The following KCNN2 variants were observed in gnomAD, a reference collection of about 807,000 sequenced individuals.
KCNN2 encodes the protein potassium calcium-activated channel subfamily N member 2.
KCNN2 carries 24 observed loss-of-function variants against 55.5 expected under a neutral mutation model. The ratio of observed to expected loss-of-function variants is 0.43; its 90% confidence interval spans 0.31 to 0.61. The LOEUF (loss-of-function observed/expected upper bound fraction) is 0.61, where lower values mean the gene tolerates loss of function less well. Ranked by LOEUF, KCNN2 falls within the 20% of genes least tolerant of loss-of-function variation. The probability of loss-of-function intolerance (pLI) is 0.08; values close to 1 mark genes in which losing one functional copy is unlikely to be tolerated. For synonymous variants in KCNN2, 431 were observed against 336.1 expected, an observed-to-expected ratio of 1.28 and a Z score of -3.09; for missense variants, 754 against 853.6, an observed-to-expected ratio of 0.88 and a Z score of 1.45.
At chr5:114,074,153 C>T (rs983895028) in intron 1 of KCNN2, among the ~76,000 whole-genome samples, 1 of 152,168 alleles carries the variant, frequency 6.6e-6, no homozygotes, top group Non-Finnish European at 1.5e-5. Flanking sequence ...ATTATTCAGA[C>T]TAGGTAAAAT....
upstream of KCNN2, among the ~76,000 whole-genome samples, chr5:114,358,322 G>A (rs1757336464): frequency 6.6e-6 from 1 of 152,044 alleles, no homozygotes; most frequent in Non-Finnish European, 1.5e-5. Context: ...TTTTTCCCAA[G>A]CTCCTGTGGT....
intron 1 of KCNN2, among the ~76,000 whole-genome samples, chr5:114,145,426 C>G (rs1752378007): frequency 6.6e-6 from 1 of 152,188 alleles, no homozygotes; most frequent in African/African-American, 2.4e-5. Flanking sequence ...TGAATATAAT[C>G]AGCGAGCAAT....
chr5:114,241,414 A>G (rs1328855283), intron 2 of KCNN2, among the ~76,000 whole-genome samples: 2 of 151,868 alleles, frequency 1.3e-5, no homozygotes, highest in Non-Finnish European at 2.9e-5. Flanking sequence ...CCAAGTTGCT[A>G]TAATCAAAAC....
chr5:114,205,199 A>G (rs569681459), intron 1 of KCNN2, among the ~76,000 whole-genome samples: 4 of 152,316 alleles, frequency 2.6e-5, no homozygotes, highest in African/African-American at 9.6e-5. Flanking sequence ...TGCTAATAGG[A>G]CATACGTTTA....
At chr5:114,065,448 A>AT (rs1204812692) in intron 1 of KCNN2, among the ~76,000 whole-genome samples, 1 of 152,140 alleles carries the variant, frequency 6.6e-6, no homozygotes, top group Non-Finnish European at 1.5e-5. Flanking sequence ...GAGGTGAATG[A>AT]TTTTTTTGTG....
intron 2 of KCNN2, among the ~76,000 whole-genome samples, chr5:114,252,113 A>G (rs1055485251): frequency 5.9e-5 from 9 of 151,952 alleles, no homozygotes; most frequent in African/African-American, 2.2e-4. Flanking sequence ...CCTGACCTCA[A>G]GTGATCCTCC....
chr5:114,202,070 G>A (rs13161120), intron 1 of KCNN2, among the ~76,000 whole-genome samples: 17,075 of 152,128 alleles, frequency 0.11, 1,155 homozygotes, highest in Middle Eastern at 0.23. Context: ...ATGTGTGGGG[G>A]CACCTGTTCT....
At chr5:114,143,338 C>G (rs1327584176) in intron 1 of KCNN2, among the ~76,000 whole-genome samples, 1 of 152,126 alleles carries the variant, frequency 6.6e-6, no homozygotes, top group Non-Finnish European at 1.5e-5. Flanking sequence ...CTTTCCATAA[C>G]CTATGATTGG....
chr5:114,066,814 C>T (rs750727077), intron 1 of KCNN2, among the ~76,000 whole-genome samples: 1 of 152,122 alleles, frequency 6.6e-6, no homozygotes, highest in Non-Finnish European at 1.5e-5. Flanking sequence ...CTCTTGACCT[C>T]GTGGTCTGCC....
At chr5:114,477,398 C>T (rs1762020002) in intron 5 of KCNN2, among the ~76,000 whole-genome samples, 1 of 152,050 alleles carries the variant, frequency 6.6e-6, no homozygotes, top group African/African-American at 2.4e-5. Context: ...ACTACATTAA[C>T]CAAGTAAAAT....
chr5:114,297,674 A>G (rs984671741), intron 2 of KCNN2, among the ~76,000 whole-genome samples: 1 of 152,186 alleles, frequency 6.6e-6, no homozygotes, highest in African/African-American at 2.4e-5. Context: ...CTACAGCATT[A>G]TTTATTAAAT....
At chr5:114,351,207 C>T (rs1039966130) in intron 2 of KCNN2, among the ~76,000 whole-genome samples, 41 of 151,762 alleles carry the variant, frequency 2.7e-4, no homozygotes, top group East Asian at 7.7e-4. Flanking sequence ...TTTTTGATGA[C>T]TTTACAAATG....
intron 1 of KCNN2, among the ~76,000 whole-genome samples, chr5:114,074,339 C>G (rs1005668932): frequency 6.7e-6 from 1 of 148,602 alleles, no homozygotes; most frequent in South Asian, 2.1e-4. Context: ...TGCGCGCGCG[C>G]GCCAGAGAGA....
chr5:114,094,714 A>G (rs2112560550), intron 1 of KCNN2, among the ~76,000 whole-genome samples: 2 of 152,318 alleles, frequency 1.3e-5, no homozygotes, highest in South Asian at 4.1e-4. Context: ...CCGGTTTATA[A>G]AAACCTATTT....
intron 6 of KCNN2, among the ~76,000 whole-genome samples, chr5:114,491,525 T>G (rs201902652): frequency 1.8e-5 from 1 of 54,338 alleles, no homozygotes; most frequent in Non-Finnish European, 4.2e-5. Flanking sequence ...TTTTTTTTTT[T>G]AAAAAAAGAA....
intron 2 of KCNN2, among the ~76,000 whole-genome samples, chr5:114,336,581 G>C (rs1206410917): frequency 6.6e-6 from 1 of 152,184 alleles, no homozygotes; most frequent in Non-Finnish European, 1.5e-5. Context: ...GAGGCAGGTG[G>C]AAAAGATAAA....
intron 2 of KCNN2, among the ~76,000 whole-genome samples, chr5:114,347,040 A>G (rs1385748893): frequency 6.6e-6 from 1 of 152,236 alleles, no homozygotes; most frequent in Non-Finnish European, 1.5e-5. Flanking sequence ...TATGGTTACA[A>G]TAATATTTCA....
At chr5:114,257,358 A>C (rs1013645422) in intron 2 of KCNN2, among the ~76,000 whole-genome samples, 1 of 151,768 alleles carries the variant, frequency 6.6e-6, no homozygotes, top group Non-Finnish European at 1.5e-5. Flanking sequence ...TTGGTTTCAT[A>C]TGAATTTTAG....
At chr5:114,373,027 A>G (rs1757808305) in intron 2 of KCNN2, among the ~76,000 whole-genome samples, 1 of 152,324 alleles carries the variant, frequency 6.6e-6, no homozygotes, top group East Asian at 1.9e-4. Flanking sequence ...ATTAAAGGGT[A>G]TTATTTAAGA....
Sources: allele counts gnomAD v4.1 joint callset (sites outside exome capture counted in the v4.1 genomes callset), GRCh38; gene constraint gnomAD v4.1.1; transcripts MANE v1.5; gene names NCBI Gene and HGNC (gene_info 2026-07-23, HGNC 2026-07-21).